SEMA3A: variants seen among roughly 807,000 people sequenced by gnomAD.
SEMA3A encodes semaphorin-3A.
In SEMA3A, 29 loss-of-function variants were observed where a neutral mutation model predicts 97.9. The observed-to-expected ratio is 0.30, with a 90% CI of 0.22 to 0.40. The LOEUF (loss-of-function observed/expected upper bound fraction) is 0.40. Among genes scored for constraint, SEMA3A ranks in the 10% least tolerant of loss-of-function variants. SEMA3A has a pLI of 1.00. For synonymous variants in SEMA3A, 321 were observed against 323.7 expected (o/e 0.99, Z 0.09); for missense variants, 763 against 951.3 (o/e 0.80, Z 2.60).
At chr7:84,320,317 T>C (rs1024043839) in intron 2 of SEMA3A, among the ~76,000 whole-genome samples, 2 of 152,158 alleles carry the variant, frequency 1.3e-5, no homozygotes, top group African/African-American at 4.8e-5. Context: ...AATCTATGTA[T>C]AGGCTTTTTG....
At chr7:84,109,014 A>T (rs12707613) in intron 4 of SEMA3A, among the ~76,000 whole-genome samples, 1 of 151,532 alleles carries the variant, frequency 6.6e-6, no homozygotes, top group Non-Finnish European at 1.5e-5. Context: ...TCATGTAAAA[A>T]GTGCAATATC....
chr7:84,142,364 A>C (rs184688399), intron 1 of SEMA3A, among the ~76,000 whole-genome samples: 1 of 152,292 alleles, frequency 6.6e-6, no homozygotes, highest in East Asian at 1.9e-4. Context: ...GCAACAACAA[A>C]AAAAGGCTAA....
chr7:84,157,675 A>G (rs931743368), intron 1 of SEMA3A, among the ~76,000 whole-genome samples: 10 of 152,334 alleles, frequency 6.6e-5, no homozygotes, highest in African/African-American at 2.4e-4. Flanking sequence ...GTAATTATCC[A>G]AATTTGGAAA....
At chr7:84,492,412 G>C (rs541630626) in intron 1 of SEMA3A, 1 of 152,112 alleles carries the variant, frequency 6.6e-6, no homozygotes, top group Non-Finnish European at 1.5e-5. Context: ...GTAAACACCC[G>C]TAATTAATTC....
At chr7:84,297,001 G>T (rs1361769746) in intron 3 of SEMA3A, among the ~76,000 whole-genome samples, 1 of 151,988 alleles carries the variant, frequency 6.6e-6, no homozygotes, top group Non-Finnish European at 1.5e-5. Context: ...TTTTGGGATG[G>T]AGTTTCGATC....
At chr7:84,394,122 T>C (rs1803662535) in intron 1 of SEMA3A, among the ~76,000 whole-genome samples, 1 of 152,068 alleles carries the variant, frequency 6.6e-6, no homozygotes, top group Non-Finnish European at 1.5e-5. Flanking sequence ...TATCACAATA[T>C]GCAAGAAGGA....
chr7:84,007,349 T>C lies in SEMA3A; in HGVS notation c.1140+4A>G. On this transcript the variant is annotated splice_donor_region_variant and intron_variant, in intron 10 of 16. Coordinates refer to ENST00000265362, the MANE Select transcript of SEMA3A (RefSeq NM_006080.3). ...TTCATATTTTAAACACCTAAGCTACTTACAGTTCCTGGCCGTGGATAGGGG... is the reference window on the plus strand; with the variant it reads ...TTCATATTTTAAACACCTAAGCTACCTACAGTTCCTGGCCGTGGATAGGGG... 1 of 1,594,128 alleles carries C rather than the reference T, an allele frequency of 6.3e-7. No homozygotes were observed.
chr7:84,316,356 T>A (rs2115889649), intron 2 of SEMA3A, among the ~76,000 whole-genome samples: 1 of 151,758 alleles, frequency 6.6e-6, no homozygotes, highest in African/African-American at 2.4e-5. Flanking sequence ...TACTTGGAAA[T>A]AAATTAGTTA....
At chr7:84,084,046 A>T (rs1012016572) in intron 4 of SEMA3A, among the ~76,000 whole-genome samples, 1 of 152,042 alleles carries the variant, frequency 6.6e-6, no homozygotes, top group Non-Finnish European at 1.5e-5. Context: ...TTGGCTGGGC[A>T]TCACTGATCA....
intron 12 of SEMA3A, among the ~76,000 whole-genome samples, chr7:83,997,034 T>A (rs1466892936): frequency 6.6e-6 from 1 of 152,218 alleles, no homozygotes; most frequent in Non-Finnish European, 1.5e-5. Flanking sequence ...GGTGTTCTTA[T>A]GAAACCAACC....
intron 2 of SEMA3A, among the ~76,000 whole-genome samples, chr7:84,338,555 T>C (rs1167245586): frequency 6.6e-6 from 1 of 152,166 alleles, no homozygotes; most frequent in Admixed American, 6.6e-5. Flanking sequence ...ACTTTACTTA[T>C]AATACTCCAG....
chr7:84,104,311 A>G (rs1460296751), intron 4 of SEMA3A, among the ~76,000 whole-genome samples: 1 of 152,138 alleles, frequency 6.6e-6, no homozygotes, highest in Non-Finnish European at 1.5e-5. Flanking sequence ...AAATTTGTCC[A>G]AATACTTTAC....
intron 3 of SEMA3A, among the ~76,000 whole-genome samples, chr7:84,222,918 C>T (rs1798911916): frequency 6.6e-6 from 1 of 151,824 alleles, no homozygotes; most frequent in South Asian, 2.1e-4. Flanking sequence ...ACATAATTAT[C>T]TGTTCTTAAT....
In SEMA3A at chr7:83,961,111, C is replaced by CGA. The variant is rs1327391634; in HGVS notation, c.*259_*260insTC. On this transcript the variant is annotated 3_prime_UTR_variant, in exon 17 of 17. Transcript: ENST00000265362. ...GAAAGACAAACCTGTACAGTGAAAT[C>CGA]TCATAGGAAACATTAAGTCTGCTAA... The CGA allele has an allele frequency of 4.2e-6, 2 of 473,952 alleles. No individual in the cohort carries two copies. The highest frequency in any genetic ancestry group is 3.9e-5 in the African/African-American group (2 of 50,860). The allele number at this position is 473,952 out of a possible 1,614,324, so 29.4% of individuals were successfully genotyped here.
At chr7:84,465,806 T>C (rs1348367083) in intron 1 of SEMA3A, among the ~76,000 whole-genome samples, 1 of 152,190 alleles carries the variant, frequency 6.6e-6, no homozygotes, top group Non-Finnish European at 1.5e-5. Flanking sequence ...TTGCCTTCAT[T>C]ACAAGCATCA....
intron 2 of SEMA3A, among the ~76,000 whole-genome samples, chr7:84,133,137 C>T (rs1796016363): frequency 6.6e-6 from 1 of 152,022 alleles, no homozygotes; most frequent in African/African-American, 2.4e-5. Flanking sequence ...GGCATTTATT[C>T]CTATCATCTG....
intron 2 of SEMA3A, among the ~76,000 whole-genome samples, chr7:84,320,107 GC>G (rs1554363923): frequency 1.3e-5 from 2 of 151,816 alleles, no homozygotes; most frequent in Non-Finnish European, 2.9e-5. Flanking sequence ...TATTTTCTGG[GC>G]CCACACTATG....
At chr7:83,965,660 ATATATATTTTTTTTTTTTTT>A (rs1788662477) in intron 15 of SEMA3A, among the ~76,000 whole-genome samples, 1 of 9,848 alleles carries the variant, frequency 1.0e-4, no homozygotes, top group South Asian at 5.4e-3. Flanking sequence ...ATATATATAT[ATATATATTTTTTTTTTTTTT>A]TTTTTTTTTT....
At chr7:84,471,256 C>G (rs1003899911) in intron 1 of SEMA3A, among the ~76,000 whole-genome samples, 1 of 149,474 alleles carries the variant, frequency 6.7e-6, no homozygotes, top group East Asian at 2.0e-4. Flanking sequence ...GGTTCCCACA[C>G]CCCCAACAGT....
Sources: allele counts gnomAD v4.1 joint callset (sites outside exome capture counted in the v4.1 genomes callset), GRCh38; gene constraint gnomAD v4.1.1; transcripts MANE v1.5; gene names NCBI Gene and HGNC (gene_info 2026-07-23, HGNC 2026-07-21).